STARD8: variants seen among roughly 807,000 people sequenced by gnomAD.
The protein encoded by STARD8 is StAR related lipid transfer domain containing 8, also known as stAR-related lipid transfer protein 8.
A neutral mutation model predicts 69.4 loss-of-function variants in STARD8; 25 were observed. The ratio of observed to expected loss-of-function variants is 0.36; its 90% CI spans 0.26 to 0.50. The LOEUF (loss-of-function observed/expected upper bound fraction) is 0.50. STARD8 is among the 20% of genes least tolerant of loss of function. The pLI is 0.96. For synonymous variants in STARD8, 389 were observed against 374.6 expected (o/e 1.04, Z -0.45); for missense variants, 921 against 932.5 (o/e 0.99, Z 0.16).
intron 2 of STARD8, among the ~76,000 whole-genome samples, chrX:68,699,734 C>T (rs1397797586): frequency 1.8e-5 from 2 of 112,206 alleles, no homozygotes; most frequent in Admixed American, 1.9e-4. Context: ...CCTCACTCCC[C>T]TTAGTTTATT....
chrX:68,721,985 T>A, intron 10 of STARD8, 62 bp from the exon 11 acceptor site: 1 of 1,033,454 alleles, frequency 9.7e-7, no homozygotes, highest in African/African-American at 1.9e-5. Flanking sequence ...AGGCAGCCTG[T>A]CTGCCATCTT....
At chrX:68,694,263 C>T (rs1156733709) in intron 2 of STARD8, among the ~76,000 whole-genome samples, 2 of 112,651 alleles carry the variant, frequency 1.8e-5, no homozygotes, top group Admixed American at 1.9e-4. Context: ...TCCAGGAAGC[C>T]CCCGTCCGGC....
Position 68,721,620 on chromosome X carries a change from T to C in STARD8, c.2333T>C (p.Leu778Pro). ...PDENREVLQT[L>P]LYFLSDIASA... The stretch of plus-strand genomic sequence containing the variant: ...GAGAACCGAGAGGTGCTACAGACCC[T>C]GCTCTACTTCTTAAGTGACATTGCC... Residue 778 changes from leucine (L) to proline (P), a missense_variant, in exon 10 of 15, where the codon CTG (leucine) becomes CCG (proline). By Grantham distance (98) the Leu-to-Pro change is moderately conservative. Coordinates refer to ENST00000374599, the MANE Select transcript of STARD8 (RefSeq NM_001142503.3). 8.2e-7 allele frequency: 1 copy of C among 1,212,225 alleles called. No homozygotes were observed. Among genetic ancestry groups the C allele is most frequent in the East Asian group, 3.0e-5 (1 of 33,855 alleles).
Position 68,723,640 on chromosome X carries a change from C to T in STARD8, c.2814C>T (p.His938=), listed in dbSNP as rs1001143170. ...GTGGCTCACAGGCACCGGATGGGCA[C>T]CCCCTGCGGCTATGGAAGGCATCCA... ...ELACRKAPDG[H]PLRLWKASTE... is the part of the protein sequence containing the mutation. Residue 938 remains histidine, a synonymous_variant, in exon 13 of 15, where the codon CAC becomes CAT. Transcript: ENST00000374599. 1.2e-5 allele frequency: 14 copies of T among 1,194,968 alleles called. No individual in the cohort carries two copies. Among genetic ancestry groups the T allele is most frequent in the Admixed American group, 2.3e-5 (1 of 44,369 alleles).
chrX:68,670,749 T>C (rs1023524188), intron 2 of STARD8, among the ~76,000 whole-genome samples: 1 of 111,273 alleles, frequency 9.0e-6, no homozygotes, highest in African/African-American at 3.3e-5. Context: ...TTCTTTATCA[T>C]TTCTCTGGAA....
chrX:68,661,998 TTCTTTC>T (rs1288927157), intron 1 of STARD8, among the ~76,000 whole-genome samples: 2 of 93,826 alleles, frequency 2.1e-5, no homozygotes, highest in Non-Finnish European at 4.2e-5. Context: ...CTTTCTTTCT[TTCTTTC>T]TTTCTTTCTT....
At chrX:68,694,565 A>C (rs1569363079) in intron 2 of STARD8, among the ~76,000 whole-genome samples, 1 of 111,590 alleles carries the variant, frequency 9.0e-6, no homozygotes, top group Non-Finnish European at 1.9e-5. Context: ...GGGTTCAGCC[A>C]GTCCATGTGA....
At chrX:68,661,970 C>CTCTTTCTTTCTTTCTTTCTTTCTTTCTT (rs1169605331) in intron 1 of STARD8, among the ~76,000 whole-genome samples, 4 of 55,987 alleles carry the variant, frequency 7.1e-5, no homozygotes, top group Non-Finnish European at 9.1e-5. Flanking sequence ...CTCTCTCTCT[C>CTCTTTCTTTCTTTCTTTCTTTCTTTCTT]TCTTTCTTTC....
chrX:68,668,101 C>CTTTCTTTCT lies in STARD8; in HGVS notation c.79+2572_79+2580dup, dbSNP rs1556021513. On this transcript the variant is annotated intron_variant, in intron 2 of 14. Transcript: ENST00000374599. ...TCTTTCTTTCTTTCTTTCTTTCTTT[C>CTTTCTTTCT]TTTCTTTCTTTCTGTCTTTCTTTCT... Among the ~76,000 whole-genome samples the CTTTCTTTCT allele has an allele frequency of 8.8e-3, 847 of 96,764 alleles. 8 individuals carry two copies. The highest frequency in any genetic ancestry group is 0.021 in the African/African-American group (536 of 25,230). 84.0% of individuals were successfully genotyped at this position (96,764 alleles called of 115,157 possible). A position where few individuals can be genotyped will look rare whatever the true frequency, so the allele number is the denominator to read the frequency against.
intron 1 of STARD8, among the ~76,000 whole-genome samples, chrX:68,661,976 CTT>C (rs527678855): frequency 1.3e-3 from 69 of 52,809 alleles, no homozygotes; most frequent in East Asian, 0.012. Context: ...CTCTCTCTTT[CTT>C]TCTTTCTTTC....
chrX:68,693,601 T>A (rs946430859), intron 2 of STARD8: 9 of 746,244 alleles, frequency 1.2e-5, no homozygotes, highest in Non-Finnish European at 1.3e-5. Context: ...GGGCGGGGCG[T>A]CCCTACAGCC....
chrX:68,683,745 C>T (rs1314480893), intron 2 of STARD8, among the ~76,000 whole-genome samples: 1 of 112,648 alleles, frequency 8.9e-6, no homozygotes, highest in Non-Finnish European at 1.9e-5. Flanking sequence ...CATCAGCCCC[C>T]CAAGGTTTCA....
At chrX:68,679,487 G>T (rs1164730503) in intron 2 of STARD8, among the ~76,000 whole-genome samples, 1 of 112,148 alleles carries the variant, frequency 8.9e-6, no homozygotes, top group Non-Finnish European at 1.9e-5. Flanking sequence ...GCAGAGTGGG[G>T]TACCAGGCAT....
At chrX:68,653,073 A>C (rs2079570887) in intron 1 of STARD8, among the ~76,000 whole-genome samples, 1 of 43,094 alleles carries the variant, frequency 2.3e-5, no homozygotes, top group East Asian at 7.9e-4. Flanking sequence ...CACACACCAC[A>C]CACACACCAC....
intron 2 of STARD8, among the ~76,000 whole-genome samples, chrX:68,673,944 A>G (rs772683230): frequency 2.7e-5 from 3 of 111,840 alleles, no homozygotes; most frequent in African/African-American, 9.8e-5. Context: ...AAAGATCTGG[A>G]GGCAAAATTT....
At chrX:68,657,192 G>T (rs574305828) in intron 1 of STARD8, among the ~76,000 whole-genome samples, 2 of 111,653 alleles carry the variant, frequency 1.8e-5, no homozygotes, top group South Asian at 7.6e-4. Context: ...TGGGGAGAAT[G>T]ATAACTCCTA....
rs1005398815 is a variant in STARD8, at chrX:68,648,248, A to G, written c.45+321A>G. ...GTTTCCTCTCAGCTTTAGAATGAGG[A>G]CCATAGTAACACCAACCTTACGGGG... is the stretch of plus-strand genomic sequence containing the variant. On this transcript the variant is annotated intron_variant, in intron 1 of 14. Transcript: ENST00000374599. 4.5e-5 allele frequency among the ~76,000 whole-genome samples: 5 copies of G among 112,137 alleles called. No homozygotes were observed. The Admixed American group carries it at 4.7e-4, about 11-fold the overall frequency.
chrX:68,708,493 A>G (rs1381042421), intron 2 of STARD8, among the ~76,000 whole-genome samples: 1 of 111,951 alleles, frequency 8.9e-6, no homozygotes, highest in Non-Finnish European at 1.9e-5. Context: ...AGATACTGTC[A>G]TTGACCTCAG....
chrX:68,721,782 GT>G (rs1421762566), intron 10 of STARD8, 36 bp downstream of exon 10: 1 of 1,172,724 alleles, frequency 8.5e-7, no homozygotes, highest in Non-Finnish European at 1.2e-6. Flanking sequence ...GCCGGGCTGG[GT>G]CCAGACAATT....
Sources: allele counts gnomAD v4.1 joint callset (sites outside exome capture counted in the v4.1 genomes callset), GRCh38; gene constraint gnomAD v4.1.1; transcripts MANE v1.5; gene names NCBI Gene and HGNC (gene_info 2026-07-23, HGNC 2026-07-21).